Variants in PLCH1 observed in about 807,000 individuals in gnomAD.
The protein encoded by PLCH1 is phospholipase C eta 1.
Under a neutral mutation model 126.7 loss-of-function variants are expected in PLCH1, and 60 were observed. The ratio of observed to expected loss-of-function variants is 0.47; its 90% CI spans 0.38 to 0.59. The LOEUF is 0.59. PLCH1 is among the 20% of genes least tolerant of loss of function. The pLI is 0.00. For missense variants in PLCH1, 1,723 were observed against 2,040.0 expected (o/e 0.84, Z 2.99); for synonymous variants, 719 against 734.9 (o/e 0.98, Z 0.35).
intron 2 of PLCH1, among the ~76,000 whole-genome samples, chr3:155,618,214 GT>G (rs1457317613): frequency 6.6e-6 from 1 of 152,004 alleles, no homozygotes; most frequent in Non-Finnish European, 1.5e-5. Context: ...GTCTTGTCTC[GT>G]TTTTGAGGTT....
chr3:155,600,985 T>C (rs1036366162), intron 2 of PLCH1, among the ~76,000 whole-genome samples: 1 of 151,464 alleles, frequency 6.6e-6, no homozygotes, highest in Non-Finnish European at 1.5e-5. Flanking sequence ...CTACAAGGTC[T>C]TTTTTTTTAG....
chr3:155,465,767 T>A (rs1712906320), intron 21 of PLCH1, among the ~76,000 whole-genome samples: 1 of 152,030 alleles, frequency 6.6e-6, no homozygotes, highest in Non-Finnish European at 1.5e-5. Context: ...AAAGAGGGAC[T>A]CACAGGCCAG....
chr3:155,738,210 G>A (rs1391809791), intron 1 of PLCH1, among the ~76,000 whole-genome samples: 6 of 152,334 alleles, frequency 3.9e-5, no homozygotes, highest in Admixed American at 6.5e-5. Flanking sequence ...GTCTGAGGCA[G>A]AGGCTGAATT....
chr3:155,616,018 G>A (rs2108752496), intron 2 of PLCH1, among the ~76,000 whole-genome samples: 1 of 152,122 alleles, frequency 6.6e-6, no homozygotes, highest in South Asian at 2.1e-4. Flanking sequence ...TTTGATAATT[G>A]TTCAACTTGC....
chr3:155,552,487 A>C (rs545908413), intron 9 of PLCH1, among the ~76,000 whole-genome samples: 110 of 152,318 alleles, frequency 7.2e-4, no homozygotes, highest in African/African-American at 2.1e-3. Flanking sequence ...GACAATACTT[A>C]AACGGCCTTG....
chr3:155,550,718 G>A (rs1381626572), intron 9 of PLCH1, among the ~76,000 whole-genome samples: 1 of 152,108 alleles, frequency 6.6e-6, no homozygotes, highest in Admixed American at 6.6e-5. Flanking sequence ...TTCAAATTCA[G>A]GTTCATTGAC....
chr3:155,560,732 C>T (rs139376664), intron 8 of PLCH1, among the ~76,000 whole-genome samples: 59 of 152,282 alleles, frequency 3.9e-4, no homozygotes, highest in African/African-American at 1.3e-3. Context: ...CTGCACTTTC[C>T]ACCATGCCTA....
intron 16 of PLCH1, 27 bp downstream of exon 16, chr3:155,494,311 A>G: frequency 6.2e-7 from 1 of 1,613,216 alleles, no homozygotes; most frequent in Middle Eastern, 1.7e-4. Flanking sequence ...ATATACAGAG[A>G]ACCACTCCTT....
chr3:155,606,069 G>A (rs1734311091), intron 2 of PLCH1, among the ~76,000 whole-genome samples: 1 of 152,092 alleles, frequency 6.6e-6, no homozygotes, highest in African/African-American at 2.4e-5. Flanking sequence ...AGAAAAAAGA[G>A]CTCTAGAATT....
intron 2 of PLCH1, among the ~76,000 whole-genome samples, chr3:155,648,801 A>C (rs910493458): frequency 2.6e-5 from 4 of 152,250 alleles, no homozygotes; most frequent in African/African-American, 9.6e-5. Context: ...TGGCTGTCAG[A>C]GAAGGCTTCT....
intron 2 of PLCH1, among the ~76,000 whole-genome samples, chr3:155,645,233 A>G (rs1156876238): frequency 2.6e-5 from 4 of 152,088 alleles, no homozygotes; most frequent in African/African-American, 7.2e-5. Context: ...GAGTTTTACT[A>G]TGTTGCCCAG....
chr3:155,492,689 C>T (rs769097448), intron 18 of PLCH1, 40 bp downstream of exon 18: 14 of 1,492,802 alleles, frequency 9.4e-6, no homozygotes, highest in Non-Finnish European at 1.8e-6. Flanking sequence ...AAGATAATCA[C>T]ATAATTAACC....
chr3:155,485,254 A>G, intron 22 of PLCH1, 102 bp downstream of exon 22: 1 of 710,196 alleles, frequency 1.4e-6, no homozygotes, highest in Non-Finnish European at 2.4e-6. Context: ...TTTTCAGTAT[A>G]TTTTACTTTG....
rs767950488 is a variant in PLCH1, at chr3:155,497,341, C to T, written c.1873G>A (p.Ala625Thr). ...TTACCGTCATCCACAATGTCCTGAG[C>T]GGCCACGGAGTTTGTGTACACAACC... ...DLVVYTNSVA[A>T]QDIVDDGTTG... is the part of the protein sequence containing the mutation. The change falls in exon 15 of 23, where the codon GCT becomes ACT. Residue 625 changes from alanine to threonine, a missense_variant. By Grantham distance (58) the Ala-to-Thr change is moderately conservative (BLOSUM62 0). Coordinates refer to ENST00000460012, the MANE Select transcript of PLCH1 (RefSeq NM_014996.4). The T allele has an allele frequency of 4.3e-6, 7 of 1,610,938 alleles. No homozygotes were observed. Among genetic ancestry groups the T allele is most frequent in the South Asian group, 1.1e-5 (1 of 90,994 alleles).
At chr3:155,660,704 G>A (rs1484246189) in intron 2 of PLCH1, among the ~76,000 whole-genome samples, 1 of 152,172 alleles carries the variant, frequency 6.6e-6, no homozygotes, top group Non-Finnish European at 1.5e-5. Context: ...TCAGTCTCTA[G>A]AGTTTTGCCT....
At chr3:155,549,569 A>T (rs948664116) in intron 10 of PLCH1, among the ~76,000 whole-genome samples, 15 of 152,186 alleles carry the variant, frequency 9.9e-5, no homozygotes, top group African/African-American at 3.4e-4. Context: ...TTTCCACTTC[A>T]TAAGTACAAA....
chr3:155,492,821 G>A lies in PLCH1; in HGVS notation c.2215C>T (p.Pro739Ser). The A allele has an allele frequency of 6.2e-7, 1 of 1,604,010 alleles. No individual in the cohort carries two copies. The highest frequency in any genetic ancestry group is 8.5e-7 in the Non-Finnish European group (1 of 1,175,770). ...TFNPFSGDPL[P>S]ANPKKQLILK... ...ATGAGCTGCTTTTTGGGGTTGGCAGGAAGAGGGTCACCAGAGAAAGGGTTG... is the reference window on the plus strand; with the variant it reads ...ATGAGCTGCTTTTTGGGGTTGGCAGAAAGAGGGTCACCAGAGAAAGGGTTG... Residue 739 changes from proline to serine, a missense_variant, in exon 18 of 23, where the codon CCT becomes TCT. Pro to Ser is a moderately conservative substitution (Grantham distance 74). Coordinates refer to ENST00000460012, the MANE Select transcript of PLCH1 (RefSeq NM_014996.4).
At chr3:155,681,393 C>T (rs556005469) in intron 2 of PLCH1, among the ~76,000 whole-genome samples, 1 of 152,156 alleles carries the variant, frequency 6.6e-6, no homozygotes, top group Admixed American at 6.6e-5. Context: ...TTAGGTACAA[C>T]CATTTCTCTA....
At chr3:155,668,337 C>G (rs4410475) in intron 2 of PLCH1, among the ~76,000 whole-genome samples, 1 of 152,142 alleles carries the variant, frequency 6.6e-6, no homozygotes, top group African/African-American at 2.4e-5. Context: ...GAAAGATCCC[C>G]TAGCCCAACA....
Sources: gnomAD v4.1 joint callset for allele counts (sites outside exome capture counted in the v4.1 genomes callset) on GRCh38, gnomAD v4.1.1 for gene constraint, MANE v1.5 for transcripts, NCBI Gene and HGNC (gene_info 2026-07-23, HGNC 2026-07-21) for gene names.